Variants in RBFOX1 observed in about 807,000 individuals in gnomAD.
RBFOX1 encodes RNA binding fox-1 homolog 1, also known as RNA binding protein fox-1 homolog 1.
A neutral mutation model predicts 57.7 loss-of-function variants in RBFOX1; 8 were observed. The ratio of observed to expected loss-of-function variants is 0.14; its 90% CI spans 0.08 to 0.25. RBFOX1 has a LOEUF of 0.25. Among genes scored for constraint, RBFOX1 ranks in the 10% least tolerant of loss-of-function variants. The pLI is 1.00. For missense variants in RBFOX1, 611 were observed against 548.5 expected (o/e 1.11, Z -1.14); for synonymous variants, 326 against 222.4 (o/e 1.47, Z -4.15).
chr16:7,263,458 C>A (rs1455596675), intron 4 of RBFOX1, among the ~76,000 whole-genome samples: 1 of 152,224 alleles, frequency 6.6e-6, no homozygotes, highest in Non-Finnish European at 1.5e-5. Context: ...TGCCTGGATC[C>A]CAGAAGAGAC....
At chr16:6,376,694 T>G (rs955174801) in intron 2 of RBFOX1, among the ~76,000 whole-genome samples, 3 of 152,198 alleles carry the variant, frequency 2.0e-5, no homozygotes, top group Admixed American at 6.5e-5. Flanking sequence ...GTTAGCTTCC[T>G]AGATTGCAGT....
chr16:6,602,541 G>A (rs998055526), intron 2 of RBFOX1, among the ~76,000 whole-genome samples: 1 of 152,098 alleles, frequency 6.6e-6, no homozygotes, highest in Non-Finnish European at 1.5e-5. Flanking sequence ...TGTTCTTACA[G>A]AAAGGCCACC....
chr16:7,608,873 A>C (rs1208840547), intron 10 of RBFOX1, among the ~76,000 whole-genome samples: 1 of 152,210 alleles, frequency 6.6e-6, no homozygotes, highest in Non-Finnish European at 1.5e-5. Flanking sequence ...TATTCTGCTG[A>C]ATTTTGAGTA....
At chr16:7,089,805 A>T (rs1303522076) in intron 4 of RBFOX1, among the ~76,000 whole-genome samples, 1 of 152,238 alleles carries the variant, frequency 6.6e-6, no homozygotes, top group Non-Finnish European at 1.5e-5. Flanking sequence ...TTTTAGGGCT[A>T]CATGGCTTTA....
chr16:7,209,532 C>T (rs986332912), intron 4 of RBFOX1, among the ~76,000 whole-genome samples: 2 of 152,178 alleles, frequency 1.3e-5, no homozygotes, highest in African/African-American at 4.8e-5. Context: ...TCTTGCCCTT[C>T]CTTCTGCTCT....
At chr16:6,774,525 T>C (rs1603619696) in intron 3 of RBFOX1, among the ~76,000 whole-genome samples, 1 of 152,188 alleles carries the variant, frequency 6.6e-6, no homozygotes, top group South Asian at 2.1e-4. Context: ...TACTTCTCTA[T>C]GTTCAGAGAA....
At chr16:7,508,100 C>T (rs866583889) in intron 4 of RBFOX1, among the ~76,000 whole-genome samples, 38 of 152,056 alleles carry the variant, frequency 2.5e-4, no homozygotes, top group African/African-American at 8.2e-4. Flanking sequence ...GATTCTCGTG[C>T]CTCAGCCTCC....
rs994415309 is a variant in RBFOX1, at chr16:5,582,713, C to T, written c.259-16189C>T. ...CCACAGGCATGAGCCATCACACCCA[C>T]GCTCGGCTAATCAAAGCCCATCATC... On this transcript the variant is annotated intron_variant, in intron 2 of 2. Coordinates refer to the RBFOX1 transcript ENST00000585867. 5.3e-5 allele frequency among the ~76,000 whole-genome samples: 8 copies of T among 152,062 alleles called. 1 individual carries two copies. The highest frequency in any genetic ancestry group is 1.9e-4 in the East Asian group (1 of 5,180).
At chr16:7,475,992 G>T (rs2062608519) in intron 4 of RBFOX1, among the ~76,000 whole-genome samples, 1 of 151,974 alleles carries the variant, frequency 6.6e-6, no homozygotes, top group Non-Finnish European at 1.5e-5. Context: ...TTGAGACAGG[G>T]TCTCACTCTG....
At chr16:7,265,776 T>A (rs1204731350) in intron 4 of RBFOX1, among the ~76,000 whole-genome samples, 1 of 151,950 alleles carries the variant, frequency 6.6e-6, no homozygotes, top group African/African-American at 2.4e-5. Flanking sequence ...AGGACACTAA[T>A]CCCATCAGGA....
chr16:7,219,273 A>G (rs1037993276), intron 4 of RBFOX1, among the ~76,000 whole-genome samples: 2 of 152,218 alleles, frequency 1.3e-5, no homozygotes, highest in East Asian at 1.9e-4. Context: ...CTTTTGGCAT[A>G]TTGTGCCAAA....
chr16:6,919,490 T>C (rs2073985589), intron 3 of RBFOX1, among the ~76,000 whole-genome samples: 1 of 151,886 alleles, frequency 6.6e-6, no homozygotes, highest in East Asian at 1.9e-4. Context: ...CACACACTAA[T>C]AAAGAGTAGA....
intron 4 of RBFOX1, among the ~76,000 whole-genome samples, chr16:7,165,038 C>A (rs1419101887): frequency 1.3e-5 from 2 of 152,168 alleles, no homozygotes; most frequent in African/African-American, 4.8e-5. Context: ...AGAAAAGCTT[C>A]TGGGTCATAA....
At chr16:6,158,434 C>G (rs1411764710) in intron 1 of RBFOX1, among the ~76,000 whole-genome samples, 1 of 152,084 alleles carries the variant, frequency 6.6e-6, no homozygotes, top group Non-Finnish European at 1.5e-5. Flanking sequence ...GTGAGGCCTC[C>G]TTTGATTTTT....
intron 3 of RBFOX1, among the ~76,000 whole-genome samples, chr16:6,706,939 T>A (rs2062858110): frequency 6.6e-6 from 1 of 152,144 alleles, no homozygotes; most frequent in Non-Finnish European, 1.5e-5. Flanking sequence ...TATAGTCACT[T>A]AAAAGAAAAC....
At chr16:6,855,834 C>T (rs72768853) in intron 3 of RBFOX1, among the ~76,000 whole-genome samples, 2,018 of 30,112 alleles carry the variant, frequency 0.067, 48 homozygotes, top group African/African-American at 0.3. Flanking sequence ...TCCCTCCCTC[C>T]TTCCCTCCCT....
intron 3 of RBFOX1, among the ~76,000 whole-genome samples, chr16:7,013,596 A>T (rs962702392): frequency 6.6e-6 from 1 of 152,218 alleles, no homozygotes; most frequent in African/African-American, 2.4e-5. Context: ...TCATTGCAAC[A>T]CAACTACTAA....
intron 4 of RBFOX1, among the ~76,000 whole-genome samples, chr16:5,935,052 C>A (rs1257300432): frequency 2.0e-5 from 3 of 152,186 alleles, no homozygotes; most frequent in Admixed American, 2.0e-4. Context: ...AGTGTCTACA[C>A]CCTCAGCTTT....
intron 2 of RBFOX1, among the ~76,000 whole-genome samples, chr16:6,641,702 T>C (rs1365762096): frequency 3.3e-5 from 4 of 120,994 alleles, no homozygotes; most frequent in Admixed American, 9.6e-5. Context: ...ACCACCGCAA[T>C]TCAGCCTGGG....
Sources: gnomAD v4.1 joint callset for allele counts (sites outside exome capture counted in the v4.1 genomes callset) on GRCh38, gnomAD v4.1.1 for gene constraint, MANE v1.5 for transcripts, NCBI Gene and HGNC (gene_info 2026-07-23, HGNC 2026-07-21) for gene names.